The following RAB3IL1 variants were observed in gnomAD, a reference collection of about 807,000 sequenced individuals.
The protein encoded by RAB3IL1 is guanine nucleotide exchange factor for Rab-3A.
A neutral mutation model predicts 49.2 loss-of-function variants in RAB3IL1; 37 were observed. That is an observed-to-expected ratio of 0.75 (90% CI 0.58 to 0.99). RAB3IL1 has a LOEUF of 0.99. Among genes scored for constraint, RAB3IL1 ranks in the 50% least tolerant of loss-of-function variants. The pLI is 0.00. For missense variants in RAB3IL1, 484 were observed against 513.0 expected (o/e 0.94, Z 0.55); for synonymous variants, 193 against 213.9 (o/e 0.90, Z 0.85).
At chr11:61,909,237 G>T (rs1025298169) in intron 1 of RAB3IL1, among the ~76,000 whole-genome samples, 1 of 152,162 alleles carries the variant, frequency 6.6e-6, no homozygotes, top group African/African-American at 2.4e-5. Context: ...AGGGAAGTTG[G>T]GGGGAGGGGC....
chr11:61,899,199 C>G, intron 9 of RAB3IL1, 115 bp downstream of exon 9: 2 of 1,208,338 alleles, frequency 1.7e-6, no homozygotes, highest in Non-Finnish European at 2.3e-6. Flanking sequence ...TCCCCGCTCC[C>G]CAGCCTCCTA....
chr11:61,905,018 G>A (rs1370679752), intron 5 of RAB3IL1, 136 bp from the exon 6 acceptor site: 6 of 661,848 alleles, frequency 9.1e-6, no homozygotes, highest in Admixed American at 3.0e-5. Context: ...CCCAGCAGCC[G>A]TGCAGGGAAG....
chr11:61,911,269 AC>A (rs2136053002), intron 1 of RAB3IL1, among the ~76,000 whole-genome samples: 1 of 152,296 alleles, frequency 6.6e-6, no homozygotes, highest in East Asian at 1.9e-4. Context: ...GAACAGTGGG[AC>A]CACCCAGTAG....
chr11:61,898,270 G>C lies in RAB3IL1; in HGVS notation c.*8C>G. 1 of 1,611,918 alleles carries C rather than the reference G, an allele frequency of 6.2e-7. No homozygotes were observed. The highest frequency in any genetic ancestry group is 8.5e-7 in the Non-Finnish European group (1 of 1,179,728). ...TCTCAGAGCTCCCCTTCAGGCCTGGGCCGCGCCCTAAGCCTCCTGGGGGAA... is the reference window on the plus strand; with the variant it reads ...TCTCAGAGCTCCCCTTCAGGCCTGGCCCGCGCCCTAAGCCTCCTGGGGGAA... On this transcript the variant is annotated 3_prime_UTR_variant, in exon 10 of 10. Coordinates refer to ENST00000394836, the MANE Select transcript of RAB3IL1 (RefSeq NM_013401.4). The surrounding 1 kb of genome is among the most constrained non-coding windows in gnomAD (Gnocchi z 5.1).
At chr11:61,899,240 G>A (rs1186178435) in intron 9 of RAB3IL1, 74 bp downstream of exon 9, 1 of 1,480,660 alleles carries the variant, frequency 6.8e-7, no homozygotes. Flanking sequence ...GGGGCAGGTG[G>A]GCCCAGAGGG....
the RAB3IL1 span, among the ~76,000 whole-genome samples, chr11:61,933,819 C>A: frequency 1.4e-4 from 21 of 152,152 alleles, no homozygotes; most frequent in East Asian, 1.7e-3. Context: ...GTGGTGTGTG[C>A]CTGCAGTCCT....
Position 61,906,846 on chromosome 11 carries a change from C to T in RAB3IL1, c.439-162G>A, listed in dbSNP as rs994741173. On this transcript the variant is annotated intron_variant, in intron 4 of 9. Transcript: ENST00000394836. This position sits in a 1 kb window ranked among gnomAD's most constrained non-coding sequence, Gnocchi z 4.6. Reference sequence around the variant, plus strand: ...CCTTCGAGGCAGAGACCCAGACACTCGTTTTACACATAGGGAAACTGAGGC... The same window carrying T: ...CCTTCGAGGCAGAGACCCAGACACTTGTTTTACACATAGGGAAACTGAGGC... 6.6e-6 allele frequency among the ~76,000 whole-genome samples: 1 copy of T among 152,182 alleles called. No homozygotes were observed. Among genetic ancestry groups the T allele is most frequent in the Non-Finnish European group, 1.5e-5 (1 of 68,034 alleles).
upstream of RAB3IL1, among the ~76,000 whole-genome samples, chr11:61,919,032 C>T (rs994996659): frequency 6.6e-6 from 1 of 152,210 alleles, no homozygotes; most frequent in Non-Finnish European, 1.5e-5. Flanking sequence ...TTGAATCCCT[C>T]ATCAGTTGGT....
the RAB3IL1 span, among the ~76,000 whole-genome samples, chr11:61,927,132 A>G: frequency 2.0e-5 from 3 of 152,144 alleles, no homozygotes; most frequent in Non-Finnish European, 4.4e-5. Flanking sequence ...GCATGAGCCA[A>G]CGCACCCAGC....
At chr11:61,910,445 G>A (rs1262158960) in intron 1 of RAB3IL1, among the ~76,000 whole-genome samples, 2 of 152,156 alleles carry the variant, frequency 1.3e-5, no homozygotes, top group Non-Finnish European at 2.9e-5. Context: ...GCAAGCCTGG[G>A]GTCCATGTCA....
intron 9 of RAB3IL1, 116 bp downstream of exon 9, chr11:61,899,198 C>T (rs1419322317): frequency 5.0e-6 from 6 of 1,198,388 alleles, no homozygotes; most frequent in Non-Finnish European, 7.0e-6. Context: ...CTCCCCGCTC[C>T]CCAGCCTCCT....
At chr11:61,943,554 T>C in the RAB3IL1 span, among the ~76,000 whole-genome samples, 2 of 152,140 alleles carry the variant, frequency 1.3e-5, no homozygotes, top group African/African-American at 4.8e-5. Flanking sequence ...GGAGAAAATA[T>C]TTGTAAATCA....
chr11:61,934,347 CACACATAT>C, the RAB3IL1 span, among the ~76,000 whole-genome samples: 9 of 97,766 alleles, frequency 9.2e-5, no homozygotes, highest in African/African-American at 1.9e-4. Flanking sequence ...CACACACACA[CACACATAT>C]GTATATATAT....
At chr11:61,901,134 A>C (rs1938891568) in intron 8 of RAB3IL1, among the ~76,000 whole-genome samples, 1 of 152,194 alleles carries the variant, frequency 6.6e-6, no homozygotes, top group Admixed American at 6.5e-5. Context: ...TGCTGCCAGC[A>C]AAGGGACCAT....
chr11:61,899,007 C>T (rs974756132), intron 9 of RAB3IL1: 2 of 534,220 alleles, frequency 3.7e-6, no homozygotes, highest in Non-Finnish European at 7.1e-6. Context: ...GGTGGGTGAC[C>T]CTGTGTTCAG....
Position 61,906,647 on chromosome 11 carries a change from G to A in RAB3IL1, c.476C>T (p.Thr159Met), listed in dbSNP as rs375259205. 77 of 1,610,962 alleles carry A rather than the reference G, an allele frequency of 4.8e-5. 1 individual carries two copies. The South Asian group carries it at 6.3e-4, about 13-fold the overall frequency. The change falls in exon 5 of 10, where the codon ACG (threonine) becomes ATG (methionine). Residue 159 changes from threonine (T) to methionine (M), a missense_variant. Transcript: ENST00000394836. This position sits in a 1 kb window ranked among gnomAD's most constrained non-coding sequence, Gnocchi z 4.6. ...GGCTGGTGTGGACGTGATGACCAGC[G>A]TCTTCAAGGCTGTCACCTCTGCCTG... ...MLQAEVTALK[T>M]LVITSTPASP...
At position 61,898,956 on chromosome 11, in the gene RAB3IL1, G is replaced by A. The variant is rs1938755599; in HGVS notation, c.1066+358C>T. 8.0e-6 allele frequency: 4 copies of A among 499,852 alleles called. No individual in the cohort carries two copies. Among genetic ancestry groups the A allele is most frequent in the Non-Finnish European group, 1.6e-5 (4 of 257,138 alleles). 31.0% of individuals were successfully genotyped at this position (499,852 alleles called of 1,614,324 possible). On this transcript the variant is annotated intron_variant, in intron 9 of 9. Coordinates refer to ENST00000394836, the MANE Select transcript of RAB3IL1 (RefSeq NM_013401.4). The surrounding 1 kb of genome is among the most constrained non-coding windows in gnomAD (Gnocchi z 5.1). ...GCTGTGGGGGGAGGGGGTGGAGGGA[G>A]GCCCTGTCCAGCATGGAGTGGAGTG... is the stretch of plus-strand genomic sequence containing the variant.
the RAB3IL1 span, among the ~76,000 whole-genome samples, chr11:61,944,201 CT>C: frequency 6.3e-5 from 5 of 79,318 alleles, no homozygotes; most frequent in Non-Finnish European, 1.3e-4. Context: ...CCCTTCCTTC[CT>C]TTCCTTCCCT....
At chr11:61,932,917 T>A in the RAB3IL1 span, among the ~76,000 whole-genome samples, 1 of 152,066 alleles carries the variant, frequency 6.6e-6, no homozygotes, top group African/African-American at 2.4e-5. Flanking sequence ...ATTACAGGCT[T>A]GCACTACCAT....
Sources: allele counts gnomAD v4.1 joint callset (sites outside exome capture counted in the v4.1 genomes callset), GRCh38; gene constraint gnomAD v4.1.1; non-coding constraint Gnocchi (gnomAD v3.1); transcripts MANE v1.5; gene names NCBI Gene and HGNC (gene_info 2026-07-23, HGNC 2026-07-21).